Variants in AMPH observed in about 807,000 individuals in gnomAD.
The protein encoded by AMPH is amphiphysin.
AMPH carries 49 observed loss-of-function variants against 99.1 expected under a neutral mutation model. The ratio of observed to expected loss-of-function variants is 0.49; its 90% CI spans 0.39 to 0.63. The LOEUF (loss-of-function observed/expected upper bound fraction) is 0.63, where lower values mean the gene tolerates loss of function less well. Among genes scored for constraint, AMPH ranks in the 20% least tolerant of loss-of-function variants. AMPH has a pLI of 0.00. For missense variants in AMPH, 759 were observed against 863.4 expected, an observed-to-expected ratio of 0.88 and a Z score of 1.52; for synonymous variants, 314 against 317.3, an observed-to-expected ratio of 0.99 and a Z score of 0.11.
intron 1 of AMPH, 35 bp downstream of exon 1, chr7:38,631,248 G>T: frequency 1.3e-6 from 2 of 1,501,664 alleles, no homozygotes; most frequent in Non-Finnish European, 8.9e-7. Flanking sequence ...CCCGCCTGGC[G>T]TCCCCGGCCC....
intron 17 of AMPH, among the ~76,000 whole-genome samples, chr7:38,410,685 C>T (rs1221559471): frequency 2.0e-5 from 3 of 152,230 alleles, no homozygotes; most frequent in Non-Finnish European, 4.4e-5. Flanking sequence ...AGAAAACTGG[C>T]ACAGAGGGTA....
At chr7:38,599,118 A>G (rs1793160103) in intron 1 of AMPH, among the ~76,000 whole-genome samples, 1 of 152,210 alleles carries the variant, frequency 6.6e-6, no homozygotes, top group South Asian at 2.1e-4. Flanking sequence ...GTAAATTGTG[A>G]TAAACCTTTT....
At chr7:38,551,546 C>T (rs1237651486) in intron 1 of AMPH, among the ~76,000 whole-genome samples, 1 of 152,026 alleles carries the variant, frequency 6.6e-6, no homozygotes, top group Non-Finnish European at 1.5e-5. Context: ...AATTATGCTG[C>T]GAAAAGTGGC....
intron 5 of AMPH, 30 bp downstream of exon 5, chr7:38,491,020 C>T (rs2129019967): frequency 6.8e-7 from 1 of 1,464,144 alleles, no homozygotes; most frequent in Non-Finnish European, 9.6e-7. Context: ...CCCACTCAAT[C>T]CTTCCCTTTA....
At chr7:38,392,464 G>A (rs1784536916) in intron 18 of AMPH, among the ~76,000 whole-genome samples, 1 of 129,238 alleles carries the variant, frequency 7.7e-6, no homozygotes, top group African/African-American at 3.0e-5. Flanking sequence ...TCAGCCCACT[G>A]CAAACTCTGC....
chr7:38,451,970 A>G (rs1276124454), intron 11 of AMPH, among the ~76,000 whole-genome samples: 1 of 152,160 alleles, frequency 6.6e-6, no homozygotes, highest in Non-Finnish European at 1.5e-5. Flanking sequence ...CTACAAGCAG[A>G]TAAGAACATT....
chr7:38,430,988 A>G (rs1785997402), intron 13 of AMPH, among the ~76,000 whole-genome samples: 1 of 152,240 alleles, frequency 6.6e-6, no homozygotes, highest in Non-Finnish European at 1.5e-5. Context: ...CTGCCTCACA[A>G]TAAAAGAAGA....
At chr7:38,521,272 G>C (rs1360132007) in intron 2 of AMPH, among the ~76,000 whole-genome samples, 3 of 152,178 alleles carry the variant, frequency 2.0e-5, no homozygotes, top group Non-Finnish European at 2.9e-5. Flanking sequence ...GGTAATCCTA[G>C]CACTTTGGGA....
Position 38,532,865 on chromosome 7 carries a change from C to T in AMPH, c.150+2066G>A, listed in dbSNP as rs568998878. On this transcript the variant is annotated intron_variant, in intron 2 of 20. Coordinates refer to ENST00000356264, the MANE Select transcript of AMPH (RefSeq NM_001635.4). ...CTAGGGTGCTAACAACATTAAAGTG[C>T]CATAAAAGTGATAGAGAAAAACTCC... is the stretch of plus-strand genomic sequence containing the variant. Among the ~76,000 whole-genome samples, 28 of 152,178 alleles carry T rather than the reference C, an allele frequency of 1.8e-4. No homozygotes were observed. The South Asian group carries it at 3.7e-3, about 20-fold the overall frequency.
At chr7:38,520,618 A>G (rs79950059) in intron 2 of AMPH, among the ~76,000 whole-genome samples, 2 of 152,342 alleles carry the variant, frequency 1.3e-5, no homozygotes, top group African/African-American at 2.4e-5. Context: ...AGAAAACTAG[A>G]TAACAAATAA....
chr7:38,576,331 T>C (rs1261247049), intron 1 of AMPH, among the ~76,000 whole-genome samples: 1 of 152,240 alleles, frequency 6.6e-6, no homozygotes, highest in Non-Finnish European at 1.5e-5. Context: ...CCTCTTAGTT[T>C]ATATCCCCAG....
chr7:38,434,854 A>G (rs1321527190), intron 12 of AMPH, among the ~76,000 whole-genome samples: 1 of 152,200 alleles, frequency 6.6e-6, no homozygotes, highest in Non-Finnish European at 1.5e-5. Context: ...AATTATATGT[A>G]CATTCACTTT....
At chr7:38,448,584 C>T (rs1786881427) in intron 11 of AMPH, among the ~76,000 whole-genome samples, 1 of 152,148 alleles carries the variant, frequency 6.6e-6, no homozygotes, top group Non-Finnish European at 1.5e-5. Flanking sequence ...TGAATATAGT[C>T]TCTCGCTCGC....
At chr7:38,437,015 C>G (rs532112271) in intron 11 of AMPH, among the ~76,000 whole-genome samples, 1 of 152,194 alleles carries the variant, frequency 6.6e-6, no homozygotes, top group African/African-American at 2.4e-5. Flanking sequence ...GACAGCCATG[C>G]CTCCCAACAT....
intron 1 of AMPH, among the ~76,000 whole-genome samples, chr7:38,602,176 G>A (rs1793269848): frequency 6.6e-6 from 1 of 152,128 alleles, no homozygotes; most frequent in Non-Finnish European, 1.5e-5. Context: ...CCAATAAGGG[G>A]GATGAGACAC....
At chr7:38,557,049 C>T (rs1212910656) in intron 1 of AMPH, among the ~76,000 whole-genome samples, 2 of 152,110 alleles carry the variant, frequency 1.3e-5, no homozygotes, top group African/African-American at 4.8e-5. Flanking sequence ...CAACAGGGAT[C>T]CCTTGAGGAG....
chr7:38,405,381 C>G (rs1283056589), intron 17 of AMPH, among the ~76,000 whole-genome samples: 1 of 152,022 alleles, frequency 6.6e-6, no homozygotes, highest in East Asian at 1.9e-4. Flanking sequence ...GCATAAATAG[C>G]CTTAATGTTC....
chr7:38,610,468 A>T (rs1341811915), intron 1 of AMPH, among the ~76,000 whole-genome samples: 1 of 151,536 alleles, frequency 6.6e-6, no homozygotes, highest in Non-Finnish European at 1.5e-5. Flanking sequence ...CATACAAATA[A>T]AAAGCCAATT....
At chr7:38,473,348 A>C (rs1262607119) in intron 7 of AMPH, among the ~76,000 whole-genome samples, 2 of 152,226 alleles carry the variant, frequency 1.3e-5, no homozygotes, top group African/African-American at 4.8e-5. Context: ...TGAGATGATG[A>C]GTATCTTAAG....
Sources: gnomAD v4.1 joint callset for allele counts (sites outside exome capture counted in the v4.1 genomes callset) on GRCh38, gnomAD v4.1.1 for gene constraint, MANE v1.5 for transcripts, NCBI Gene and HGNC (gene_info 2026-07-23, HGNC 2026-07-21) for gene names.